CCDC122: variants seen among roughly 807,000 people sequenced by gnomAD.
The protein encoded by CCDC122 is coiled-coil domain-containing protein 122.
A neutral mutation model predicts 37.0 loss-of-function variants in CCDC122; 38 were observed. That is an observed-to-expected ratio of 1.03 (90% CI 0.79 to 1.35). The LOEUF (loss-of-function observed/expected upper bound fraction) is 1.35, where lower values mean the gene tolerates loss of function less well. Among genes scored for constraint, CCDC122 ranks in the 40% most tolerant of loss-of-function variants. CCDC122 has a pLI of 0.00. For missense variants in CCDC122, 305 were observed against 310.0 expected (o/e 0.98, Z 0.12); for synonymous variants, 83 against 95.6 (o/e 0.87, Z 0.77).
At chr13:43,866,978 G>C (rs1954293301) in intron 4 of CCDC122, among the ~76,000 whole-genome samples, 1 of 152,114 alleles carries the variant, frequency 6.6e-6, no homozygotes, top group Non-Finnish European at 1.5e-5. Flanking sequence ...ATAGAAGTAA[G>C]AGGAGACATC....
At position 43,840,267 on chromosome 13, in the gene CCDC122, C is replaced by T. The variant is rs151277978; in HGVS notation, c.673-2838G>A. 2.3e-3 allele frequency among the ~76,000 whole-genome samples: 345 copies of T among 152,266 alleles called. 3 individuals are homozygous for T. The highest frequency in any genetic ancestry group is 0.019 in the South Asian group (92 of 4,814). On this transcript the variant is annotated intron_variant, in intron 6 of 6. Coordinates refer to ENST00000444614, the MANE Select transcript of CCDC122 (RefSeq NM_144974.5). ...AGTGGCCTCTCATTACAGTAAAACA[C>T]CTACTTTTAAATGGACTGATAAAAT...
intron 6 of CCDC122, among the ~76,000 whole-genome samples, chr13:43,850,721 A>G (rs1953697663): frequency 6.6e-6 from 1 of 152,198 alleles, no homozygotes; most frequent in Admixed American, 6.5e-5. Flanking sequence ...TTATGGAAGG[A>G]GAGGAGAAAG....
intron 6 of CCDC122, chr13:43,856,417 T>G (rs1156300121): frequency 6.6e-6 from 1 of 152,224 alleles, no homozygotes. Flanking sequence ...GATCATGAGG[T>G]CAGGAGATCA....
At chr13:43,851,123 A>G (rs1953714581) in intron 6 of CCDC122, among the ~76,000 whole-genome samples, 1 of 152,198 alleles carries the variant, frequency 6.6e-6, no homozygotes, top group African/African-American at 2.4e-5. Context: ...AATGAAGGAG[A>G]AATCAAGACA....
At chr13:43,842,520 C>T (rs917755868) in intron 6 of CCDC122, among the ~76,000 whole-genome samples, 1 of 150,590 alleles carries the variant, frequency 6.6e-6, no homozygotes, top group Non-Finnish European at 1.5e-5. Context: ...AGATCCTTTG[C>T]GTTTTCACGT....
chr13:43,854,484 A>G (rs1953842194), intron 6 of CCDC122: 1 of 152,320 alleles, frequency 6.6e-6, no homozygotes, highest in South Asian at 2.1e-4. Flanking sequence ...TCAGTAATAA[A>G]TAGCCTACCA....
At chr13:43,820,669 G>A (rs1317507919), downstream of CCDC122, among the ~76,000 whole-genome samples, 3 of 152,072 alleles carry the variant, frequency 2.0e-5, no homozygotes, top group African/African-American at 4.8e-5. Context: ...TGAAAGAATC[G>A]AGTATCAATC....
intron 6 of CCDC122, chr13:43,849,061 T>C (rs1017704253): frequency 1.1e-6 from 1 of 920,392 alleles, no homozygotes; most frequent in Non-Finnish European, 1.3e-6. Context: ...TCTGACTATA[T>C]TGGTCCTTCA....
chr13:43,874,815 T>C (rs540013732), intron 2 of CCDC122, 27 bp downstream of exon 2: 17 of 152,382 alleles, frequency 1.1e-4, no homozygotes, highest in African/African-American at 4.1e-4. Flanking sequence ...AAAGAATTAA[T>C]TGAATAATTA....
At chr13:43,849,563 A>T (rs1269297516) in intron 6 of CCDC122, among the ~76,000 whole-genome samples, 6 of 152,232 alleles carry the variant, frequency 3.9e-5, no homozygotes, top group Admixed American at 3.9e-4. Context: ...ATTCTGGAGA[A>T]GACAGCAATC....
At chr13:43,831,755 C>T (rs1348435294), downstream of CCDC122, among the ~76,000 whole-genome samples, 1 of 151,974 alleles carries the variant, frequency 6.6e-6, no homozygotes, top group Admixed American at 6.6e-5. Flanking sequence ...AAACTATTTC[C>T]CTCATGAACT....
At chr13:43,851,480 G>A (rs930350622) in intron 6 of CCDC122, among the ~76,000 whole-genome samples, 21 of 152,078 alleles carry the variant, frequency 1.4e-4, no homozygotes, top group Non-Finnish European at 2.1e-4. Context: ...CACCACCAGC[G>A]AGACCAAACA....
In CCDC122 at chr13:43,837,256, G is replaced by A; in HGVS notation, c.*24C>T. The stretch of plus-strand genomic sequence containing the variant: ...AGTAATTTTTGTTGTCATGGTCTGT[G>A]TTCCACATTGCCCTATGGCAATGTT... On this transcript the variant is annotated 3_prime_UTR_variant, in exon 7 of 7. Coordinates refer to ENST00000444614, the MANE Select transcript of CCDC122 (RefSeq NM_144974.5). 2 of 1,605,520 alleles carry A rather than the reference G, an allele frequency of 1.2e-6. No homozygotes were observed. The highest frequency in any genetic ancestry group is 1.7e-6 in the Non-Finnish European group (2 of 1,176,684).
At chr13:43,864,535 G>A (rs1296659959) in intron 4 of CCDC122, among the ~76,000 whole-genome samples, 1 of 152,142 alleles carries the variant, frequency 6.6e-6, no homozygotes, top group East Asian at 1.9e-4. Context: ...AAGAAAGCAA[G>A]AGAGGGAGCC....
intron 6 of CCDC122, 119 bp downstream of exon 6, chr13:43,858,662 G>A: frequency 1.5e-6 from 1 of 680,626 alleles, no homozygotes; most frequent in South Asian, 3.2e-5. Context: ...AAATTTTATA[G>A]TTCTTTCTTG....
chr13:43,825,549 C>T (rs557795982), intron 3 of CCDC122, among the ~76,000 whole-genome samples: 4 of 152,160 alleles, frequency 2.6e-5, no homozygotes, highest in African/African-American at 9.7e-5. Flanking sequence ...TTGGGTGGAT[C>T]ACCTGAGATC....
intron 4 of CCDC122, among the ~76,000 whole-genome samples, chr13:43,868,057 T>TTCAA (rs33997397): frequency 0.89 from 135,401 of 151,798 alleles, 61,163 homozygotes; most frequent in South Asian, 0.98. Flanking sequence ...GCACAACAAA[T>TTCAA]TCACGGAACA....
rs1371481524 is a variant in CCDC122 at position 43,836,723 on chromosome 13, G to A, written c.*557C>T. 6.6e-6 allele frequency: 1 copy of A among 151,358 alleles called. No homozygotes were observed. Among genetic ancestry groups the A allele is most frequent in the African/African-American group, 2.4e-5 (1 of 41,244 alleles). The allele number at this position is 151,358 out of a possible 1,614,324, so 9.4% of individuals were successfully genotyped here. A position where few individuals can be genotyped will look rare whatever the true frequency, so the allele number is the denominator to read the frequency against. On this transcript the variant is annotated 3_prime_UTR_variant, in exon 7 of 7. Coordinates refer to ENST00000444614, the MANE Select transcript of CCDC122 (RefSeq NM_144974.5). ...AAATTAGCCGGGCGCGGTGGCGGGC[G>A]CCTGTGGTCCCAGCTACTCGGGAGG...
chr13:43,824,430 G>A (rs1380637054), intron 3 of CCDC122, among the ~76,000 whole-genome samples: 2 of 152,176 alleles, frequency 1.3e-5, no homozygotes, highest in Non-Finnish European at 2.9e-5. Flanking sequence ...AAACTTAAAT[G>A]TAAGACCTCA....
Sources: allele counts gnomAD v4.1 joint callset (sites outside exome capture counted in the v4.1 genomes callset), GRCh38; gene constraint gnomAD v4.1.1; transcripts MANE v1.5; gene names NCBI Gene and HGNC (gene_info 2026-07-23, HGNC 2026-07-21).